Variants in EBF1 observed in about 807,000 individuals in gnomAD.
EBF1 encodes the protein EBF transcription factor 1.
A neutral mutation model predicts 68.4 loss-of-function variants in EBF1; 10 were observed. The observed-to-expected ratio is 0.15, with a 90% CI of 0.09 to 0.25. The LOEUF (loss-of-function observed/expected upper bound fraction) is 0.25. Ranked by LOEUF, EBF1 falls within the 10% of genes least tolerant of loss-of-function variation. EBF1 has a pLI of 1.00. For synonymous variants in EBF1, 298 were observed against 299.8 expected, an observed-to-expected ratio of 0.99 and a Z score of 0.06; for missense variants, 509 against 794.4, an observed-to-expected ratio of 0.64 and a Z score of 4.32.
intron 10 of EBF1, among the ~76,000 whole-genome samples, chr5:158,754,992 G>C (rs1208665894): frequency 6.6e-6 from 1 of 152,098 alleles, no homozygotes; most frequent in East Asian, 1.9e-4. Flanking sequence ...AGAGGTCGGG[G>C]AGATAAGGTA....
intron 8 of EBF1, among the ~76,000 whole-genome samples, chr5:158,817,820 T>C (rs1435028775): frequency 6.6e-6 from 1 of 152,206 alleles, no homozygotes; most frequent in Non-Finnish European, 1.5e-5. Context: ...TGAGTCTGCA[T>C]TATCCTACTG....
At chr5:159,042,399 C>G (rs930027643) in intron 6 of EBF1, among the ~76,000 whole-genome samples, 3 of 152,214 alleles carry the variant, frequency 2.0e-5, no homozygotes, top group African/African-American at 7.2e-5. Flanking sequence ...CCGAAGCCAG[C>G]CTTTCTCTTG....
intron 6 of EBF1, among the ~76,000 whole-genome samples, chr5:158,930,505 A>G (rs919443507): frequency 6.6e-6 from 1 of 152,126 alleles, no homozygotes; most frequent in Non-Finnish European, 1.5e-5. Flanking sequence ...ATGTAGTCCT[A>G]CCCTGGTAGC....
At chr5:158,713,206 A>C in intron 12 of EBF1, 59 bp from the exon 13 acceptor site, 3 of 1,313,138 alleles carry the variant, frequency 2.3e-6, no homozygotes, top group Non-Finnish European at 2.9e-6. Context: ...CAATAATACC[A>C]TTTTTTCGGT....
chr5:158,777,918 T>G (rs968509739), intron 9 of EBF1, among the ~76,000 whole-genome samples: 1 of 152,178 alleles, frequency 6.6e-6, no homozygotes, highest in African/African-American at 2.4e-5. Flanking sequence ...GAACTGAGCC[T>G]GTCAACATGT....
intron 6 of EBF1, among the ~76,000 whole-genome samples, chr5:158,853,021 G>T (rs1028747322): frequency 1.3e-5 from 2 of 152,164 alleles, no homozygotes; most frequent in African/African-American, 4.8e-5. Context: ...CAGTCAGTGG[G>T]TGGTCTACAT....
rs1780332438 is a variant in EBF1 at position 159,084,688 on chromosome 5, G to A, written c.463C>T (p.Leu155Phe). The part of the protein sequence containing the change: ...DKNPEMCRVL[L>F]THEIMCSRCC... ...TACCTGCACATGATCTCATGTGTGA[G>A]CAAGACTCGGCACATTTCTGGGTTC... Residue 155 changes from leucine (L) to phenylalanine (F), a missense_variant, in exon 5 of 16, where the codon CTC becomes TTC. Physicochemically the swap from Leu to Phe is conservative, Grantham distance 22. This residue lies in a region of EBF1 where 230 missense variants were observed against 467.7 expected (regional missense o/e 0.49). Transcript: ENST00000313708. 6.3e-7 allele frequency: 1 copy of A among 1,599,596 alleles called. No homozygotes were observed. The highest frequency in any genetic ancestry group is 1.3e-5 in the African/African-American group (1 of 74,310).
At chr5:158,928,240 G>A (rs941368985) in intron 6 of EBF1, among the ~76,000 whole-genome samples, 1 of 152,138 alleles carries the variant, frequency 6.6e-6, no homozygotes, top group Non-Finnish European at 1.5e-5. Context: ...CCATAGGCTT[G>A]TAAAGATCAA....
intron 1 of EBF1, chr5:159,097,468 G>C: frequency 3.0e-6 from 1 of 328,402 alleles, no homozygotes; most frequent in Non-Finnish European, 5.6e-6. Flanking sequence ...AAGTGGCGGT[G>C]GATGAAGTGA....
chr5:158,865,620 A>G (rs1278938175), intron 6 of EBF1, among the ~76,000 whole-genome samples: 16 of 152,172 alleles, frequency 1.1e-4, no homozygotes, highest in African/African-American at 3.9e-4. Context: ...TTTAAGATAT[A>G]TTTGTTGTGC....
At chr5:158,755,953 G>A (rs1769985242) in intron 10 of EBF1, among the ~76,000 whole-genome samples, 1 of 152,150 alleles carries the variant, frequency 6.6e-6, no homozygotes, top group African/African-American at 2.4e-5. Flanking sequence ...AAGAAAGTGT[G>A]AAATCAGATA....
At chr5:158,776,649 G>C (rs1211632259) in intron 10 of EBF1, among the ~76,000 whole-genome samples, 2 of 152,096 alleles carry the variant, frequency 1.3e-5, no homozygotes, top group Non-Finnish European at 2.9e-5. Flanking sequence ...CTCCACCTGT[G>C]GTTCTTTGAG....
chr5:158,734,028 T>A (rs903591661), intron 10 of EBF1, among the ~76,000 whole-genome samples: 4 of 152,244 alleles, frequency 2.6e-5, no homozygotes, highest in Non-Finnish European at 5.9e-5. Context: ...TAGAATATGA[T>A]GCCATCCTCA....
intron 6 of EBF1, among the ~76,000 whole-genome samples, chr5:158,901,432 C>T (rs1803301052): frequency 6.6e-6 from 1 of 152,244 alleles, no homozygotes; most frequent in Non-Finnish European, 1.5e-5. Context: ...TCAGCTGCCA[C>T]TCAATGGGTA....
Position 158,866,188 on chromosome 5 carries a change from A to C in EBF1, c.555-26078T>G, listed in dbSNP as rs190485926. Among the ~76,000 whole-genome samples the C allele has an allele frequency of 1.8e-3, 270 of 152,306 alleles. 1 individual carries two copies. Among genetic ancestry groups the C allele is most frequent in the Non-Finnish European group, 1.4e-3 (93 of 68,004 alleles). The stretch of plus-strand genomic sequence containing the variant: ...GCCATCCTAGGCAAACCAGTTGCAG[A>C]CCTGAGTCCCTCTGGACAGGGCCTC... On this transcript the variant is annotated intron_variant, in intron 6 of 15. Transcript: ENST00000313708.
intron 11 of EBF1, among the ~76,000 whole-genome samples, chr5:158,725,232 T>A (rs532732061): frequency 2.6e-5 from 4 of 152,288 alleles, no homozygotes; most frequent in South Asian, 2.1e-4. Context: ...CTGCCAGAGA[T>A]ACTATGGTGC....
intron 5 of EBF1, among the ~76,000 whole-genome samples, chr5:159,079,336 G>C (rs1779335358): frequency 1.3e-5 from 2 of 152,074 alleles, no homozygotes; most frequent in Non-Finnish European, 1.5e-5. Context: ...ACATTATCAA[G>C]TTTTCCCATT....
intron 6 of EBF1, among the ~76,000 whole-genome samples, chr5:158,984,350 T>C (rs900439094): frequency 1.3e-5 from 2 of 152,206 alleles, no homozygotes; most frequent in Non-Finnish European, 2.9e-5. Flanking sequence ...GAGTTTATAC[T>C]TCATTTTTCC....
chr5:159,067,625 T>A (rs1024597335), intron 6 of EBF1, among the ~76,000 whole-genome samples: 11 of 152,222 alleles, frequency 7.2e-5, no homozygotes, highest in Non-Finnish European at 1.0e-4. Flanking sequence ...TATTAGTTAT[T>A]TTCTTATCAC....
Sources: allele counts gnomAD v4.1 joint callset (sites outside exome capture counted in the v4.1 genomes callset), GRCh38; gene constraint gnomAD v4.1.1; regional missense constraint gnomAD v4.1.1; transcripts MANE v1.5; gene names NCBI Gene and HGNC (gene_info 2026-07-23, HGNC 2026-07-21).